The following ABCA4 variants were observed in gnomAD, a reference collection of about 807,000 sequenced individuals.
The protein encoded by ABCA4 is ATP binding cassette subfamily A member 4, also known as retinal-specific phospholipid-transporting ATPase ABCA4.
Under a neutral mutation model 263.7 loss-of-function variants are expected in ABCA4, and 196 were observed. That is an observed-to-expected ratio of 0.74 (90% CI 0.66 to 0.84). ABCA4 has a LOEUF of 0.84. ABCA4 is among the 40% of genes least tolerant of loss of function. The probability of loss-of-function intolerance (pLI) is 0.00; values close to 1 mark genes in which losing one functional copy is unlikely to be tolerated. For missense variants in ABCA4, 2,792 were observed against 2,855.1 expected (o/e 0.98, Z 0.50); for synonymous variants, 1,133 against 1,094.2 (o/e 1.04, Z -0.70).
At position 94,014,709 on chromosome 1, in the gene ABCA4, C is replaced by A. The variant is rs767779797; in HGVS notation, c.5313-19G>T. 1 of 1,614,104 alleles carries A rather than the reference C, an allele frequency of 6.2e-7. No individual in the cohort carries two copies. The highest frequency in any genetic ancestry group is 2.2e-5 in the East Asian group (1 of 44,882). On this transcript the variant is annotated intron_variant, in intron 37 of 49. Coordinates refer to ENST00000370225, the MANE Select transcript of ABCA4 (RefSeq NM_000350.3). ...CGCCCATCTGTGTGAAATGAGACAA[C>A]TCAGAGTGATGGAGTTCCACATTCC...
Position 94,059,552 on chromosome 1 carries a change from G to C in ABCA4, c.2160+985C>G, listed in dbSNP as rs1350418418. The C allele has an allele frequency of 2.6e-5, 4 of 152,198 alleles. No individual in the cohort carries two copies. The East Asian group carries it at 5.8e-4, about 22-fold the overall frequency. 9.4% of individuals were successfully genotyped at this position (152,198 alleles called of 1,614,324 possible). On this transcript the variant is annotated intron_variant, in intron 14 of 49. Transcript: ENST00000370225. ...TGTGTTGTTTGAACAGGATCTGATGGAACATTTGTGGATCAGGTGGGTACC... is the reference window on the plus strand; with the variant it reads ...TGTGTTGTTTGAACAGGATCTGATGCAACATTTGTGGATCAGGTGGGTACC...
chr1:94,021,742 G>T (rs1027255671), intron 33 of ABCA4, 28 bp from the exon 34 acceptor site: 1 of 1,610,500 alleles, frequency 6.2e-7, no homozygotes, highest in Non-Finnish European at 8.5e-7. Flanking sequence ...AAACAAACAA[G>T]ACGGTTTTAA....
chr1:94,078,449 A>G, intron 10 of ABCA4, 141 bp downstream of exon 10: 1 of 672,332 alleles, frequency 1.5e-6, no homozygotes, highest in Non-Finnish European at 2.6e-6. Context: ...CTTGGAATGA[A>G]GGCCTTTGGG....
chr1:94,060,520 T>A lies in ABCA4; in HGVS notation c.2160+17A>T. Reference sequence around the variant, plus strand: ...CAAAGTATTCAAGATTTTCTGGGCCTTCTCCATTTGGCTTACCATGATGAA... The same window carrying A: ...CAAAGTATTCAAGATTTTCTGGGCCATCTCCATTTGGCTTACCATGATGAA... On this transcript the variant is annotated intron_variant, in intron 14 of 49. Transcript: ENST00000370225. 6.2e-7 allele frequency: 1 copy of A among 1,610,520 alleles called. No individual in the cohort carries two copies. Among genetic ancestry groups the A allele is most frequent in the Non-Finnish European group, 8.5e-7 (1 of 1,177,656 alleles).
intron 24 of ABCA4, among the ~76,000 whole-genome samples, chr1:94,037,671 T>C (rs1339494802): frequency 1.3e-5 from 2 of 152,208 alleles, no homozygotes; most frequent in Non-Finnish European, 2.9e-5. Flanking sequence ...AAATGCTCTG[T>C]CCCCTCAAAC....
intron 8 of ABCA4, among the ~76,000 whole-genome samples, 168 bp downstream of exon 8, chr1:94,080,310 C>T (rs749208478): frequency 4.6e-5 from 7 of 152,160 alleles, no homozygotes; most frequent in Non-Finnish European, 1.0e-4. Flanking sequence ...TAAGCAATGC[C>T]CCCTTTCTGC....
chr1:94,108,447 C>T (rs1021792914), intron 4 of ABCA4, 130 bp downstream of exon 4: 21 of 1,326,900 alleles, frequency 1.6e-5, no homozygotes, highest in East Asian at 7.2e-5. Flanking sequence ...ATGTTCAAGC[C>T]GCCTCCAGAC....
chr1:94,079,576 T>G (rs775127800), intron 8 of ABCA4, 115 bp from the exon 9 acceptor site: 22 of 1,475,496 alleles, frequency 1.5e-5, no homozygotes, highest in Non-Finnish European at 2.1e-5. Flanking sequence ...GAGGATTTGA[T>G]GAATAACCTA....
intron 48 of ABCA4, among the ~76,000 whole-genome samples, 165 bp downstream of exon 48, chr1:93,997,696 G>T (rs1659047294): frequency 6.6e-6 from 1 of 152,190 alleles, no homozygotes; most frequent in Admixed American, 6.5e-5. Context: ...AAAAAATATT[G>T]TTAGAAAACA....
At chr1:94,108,430 C>T (rs1662500746) in intron 4 of ABCA4, 147 bp downstream of exon 4, 2 of 1,122,332 alleles carry the variant, frequency 1.8e-6, no homozygotes, top group African/African-American at 1.5e-5. Flanking sequence ...GCATCTTCAC[C>T]AAGGTGATGT....
In ABCA4 at chr1:93,996,275, C is replaced by G. The variant is rs190970378; in HGVS notation, c.6730-80G>C. 716 of 1,080,416 alleles carry G rather than the reference C, an allele frequency of 6.6e-4. 2 individuals carry two copies. The highest frequency in any genetic ancestry group is 1.2e-4 in the Non-Finnish European group (86 of 714,392). The allele number at this position is 1,080,416 out of a possible 1,614,324, so 66.9% of individuals were successfully genotyped here. A position where few individuals can be genotyped will look rare whatever the true frequency, so the allele number is the denominator to read the frequency against. On this transcript the variant is annotated intron_variant, in intron 48 of 49. Transcript: ENST00000370225. ...TACACCCACCTACCCACTTTGCTCT[C>G]TATTTTCCACAGTTCACATACAGCC...
At chr1:94,090,169 T>C (rs1352418828) in intron 6 of ABCA4, among the ~76,000 whole-genome samples, 1 of 152,210 alleles carries the variant, frequency 6.6e-6, no homozygotes, top group African/African-American at 2.4e-5. Context: ...ACGCTGACAG[T>C]GGCCCTGGCC....
intron 11 of ABCA4, among the ~76,000 whole-genome samples, chr1:94,072,222 T>C (rs940978726): frequency 3.3e-5 from 5 of 152,218 alleles, no homozygotes; most frequent in Non-Finnish European, 5.9e-5. Context: ...GTTATGCACA[T>C]GTATTGACTG....
At chr1:93,999,031 A>C (rs1480951114) in intron 47 of ABCA4, among the ~76,000 whole-genome samples, 1 of 148,598 alleles carries the variant, frequency 6.7e-6, no homozygotes, top group Admixed American at 6.7e-5. Flanking sequence ...GATTACAGGC[A>C]TGAGCCACCA....
At chr1:94,099,066 G>A (rs2101136330) in intron 5 of ABCA4, 75 bp from the exon 6 acceptor site, 1 of 1,462,062 alleles carries the variant, frequency 6.8e-7, no homozygotes, top group Middle Eastern at 2.3e-4. Context: ...CACAGAACCT[G>A]GGAATACCTT....
intron 45 of ABCA4, chr1:94,001,529 A>AG (rs1343479314): frequency 1.8e-6 from 1 of 569,810 alleles, no homozygotes; most frequent in South Asian, 1.5e-5. Flanking sequence ...CCTTTGACCC[A>AG]GCTCAGTGCT....
intron 36 of ABCA4, among the ~76,000 whole-genome samples, chr1:94,017,065 A>G (rs1659765914): frequency 6.6e-6 from 1 of 152,216 alleles, no homozygotes; most frequent in East Asian, 1.9e-4. Context: ...ATAGTCTTGG[A>G]TCATAGTCCA....
Position 94,062,608 on chromosome 1 carries a change from G to T in ABCA4, c.1906C>A (p.Gln636Lys). 1 of 1,614,140 alleles carries T rather than the reference G, an allele frequency of 6.2e-7. No homozygotes were observed. Among genetic ancestry groups the T allele is most frequent in the East Asian group, 2.2e-5 (1 of 44,870 alleles). Residue 636 changes from glutamine to lysine, a missense_variant, in exon 13 of 50, where the codon CAG becomes AAG. By Grantham distance (53) the Gln-to-Lys change is moderately conservative. Transcript: ENST00000370225. ...TCCACGAAGCAGGGGTAGGGCATCTGCTGGAGGTAGATTCCAACTGGAGCC... is the reference window on the plus strand; with the variant it reads ...TCCACGAAGCAGGGGTAGGGCATCTTCTGGAGGTAGATTCCAACTGGAGCC... ...AEAPVGIYLQQMPYPCFVDDS... is the reference protein window; with the variant it reads ...AEAPVGIYLQKMPYPCFVDDS...
At chr1:94,043,900 T>C (rs1220524120) in intron 20 of ABCA4, among the ~76,000 whole-genome samples, 2 of 152,220 alleles carry the variant, frequency 1.3e-5, no homozygotes, top group African/African-American at 2.4e-5. Flanking sequence ...TATATACCAA[T>C]GTTATAACTC....
Sources: gnomAD v4.1 joint callset for allele counts (sites outside exome capture counted in the v4.1 genomes callset) on GRCh38, gnomAD v4.1.1 for gene constraint, MANE v1.5 for transcripts, NCBI Gene and HGNC (gene_info 2026-07-23, HGNC 2026-07-21) for gene names.